The following ADGRB3 variants were observed in gnomAD, a reference collection of about 807,000 sequenced individuals.
ADGRB3 encodes the protein adhesion G protein-coupled receptor B3.
Under a neutral mutation model 193.4 loss-of-function variants are expected in ADGRB3, and 37 were observed. That is an observed-to-expected ratio of 0.19 (90% CI 0.15 to 0.25). The LOEUF is 0.25. ADGRB3 is among the 10% of genes least tolerant of loss of function. ADGRB3 has a pLI of 1.00. For missense variants in ADGRB3, 1,637 were observed against 1,852.9 expected (o/e 0.88, Z 2.14); for synonymous variants, 690 against 644.2 (o/e 1.07, Z -1.08).
At chr6:69,280,571 C>T (rs1212908261) in intron 20 of ADGRB3, among the ~76,000 whole-genome samples, 6 of 152,092 alleles carry the variant, frequency 3.9e-5, no homozygotes, top group Non-Finnish European at 5.9e-5. Flanking sequence ...ATCTACTTCA[C>T]GGCAATATTG....
At chr6:68,783,242 A>G (rs1158238402) in intron 3 of ADGRB3, among the ~76,000 whole-genome samples, 2 of 149,640 alleles carry the variant, frequency 1.3e-5, no homozygotes, top group Non-Finnish European at 3.0e-5. Context: ...GATATAGACC[A>G]TCTGTCTCTA....
intron 3 of ADGRB3, among the ~76,000 whole-genome samples, chr6:68,885,228 T>G (rs1042431291): frequency 6.6e-6 from 1 of 152,148 alleles, no homozygotes; most frequent in South Asian, 2.1e-4. Context: ...GTAATATTTA[T>G]TGAGGGAGAA....
chr6:69,367,807 A>G (rs1769608229), intron 29 of ADGRB3, among the ~76,000 whole-genome samples: 1 of 152,026 alleles, frequency 6.6e-6, no homozygotes, highest in Admixed American at 6.6e-5. Context: ...ATGGAATACT[A>G]TGAGGCCATA....
intron 10 of ADGRB3, among the ~76,000 whole-genome samples, chr6:68,984,046 G>T (rs1439503789): frequency 6.6e-6 from 1 of 152,154 alleles, no homozygotes; most frequent in Non-Finnish European, 1.5e-5. Context: ...CTGGCCAGAG[G>T]TAGTAAGCAA....
At position 68,936,554 on chromosome 6, in the gene ADGRB3, A is replaced by G; in HGVS notation, c.904A>G (p.Thr302Ala). ...SGVEEWSQWS[T>A]CSVTCGQGSQ... Reference sequence around the variant, plus strand: ...TGTGGAAGAGTGGTCCCAGTGGAGCACATGTTCGGTTACTTGTGGTCAAGG... The same window carrying G: ...TGTGGAAGAGTGGTCCCAGTGGAGCGCATGTTCGGTTACTTGTGGTCAAGG... The change falls in exon 5 of 32, where the codon ACA becomes GCA. Residue 302 changes from threonine (T) to alanine (A), a missense_variant. By Grantham distance (58) the Thr-to-Ala change is moderately conservative. This residue lies in a region of ADGRB3 where 365 missense variants were observed against 409.8 expected (regional missense o/e 0.89). Transcript: ENST00000370598. The G allele has an allele frequency of 6.2e-7, 1 of 1,614,094 alleles. No individual in the cohort carries two copies. The highest frequency in any genetic ancestry group is 8.5e-7 in the Non-Finnish European group (1 of 1,179,996).
At chr6:68,867,433 G>T (rs867461194) in intron 3 of ADGRB3, among the ~76,000 whole-genome samples, 5 of 152,194 alleles carry the variant, frequency 3.3e-5, no homozygotes, top group African/African-American at 1.2e-4. Flanking sequence ...GGATATCCAG[G>T]CAGATGTCTG....
intron 17 of ADGRB3, among the ~76,000 whole-genome samples, chr6:69,184,255 T>A (rs1277844734): frequency 1.3e-5 from 2 of 152,234 alleles, no homozygotes; most frequent in East Asian, 3.9e-4. Context: ...TGGCTTCTAA[T>A]GTCATTCCCA....
intron 3 of ADGRB3, among the ~76,000 whole-genome samples, chr6:68,801,926 G>C (rs1767319220): frequency 1.3e-5 from 2 of 152,098 alleles, no homozygotes. Context: ...TAGACTGTGG[G>C]ACTTATGAGA....
intron 13 of ADGRB3, among the ~76,000 whole-genome samples, chr6:69,043,866 A>G (rs1009324299): frequency 1.3e-5 from 2 of 152,118 alleles, no homozygotes; most frequent in African/African-American, 4.8e-5. Flanking sequence ...GATGCTATAA[A>G]TAAGTATACA....
chr6:69,382,966 G>A, intron 31 of ADGRB3, 31 bp downstream of exon 31: 1 of 1,413,412 alleles, frequency 7.1e-7, no homozygotes, highest in Non-Finnish European at 9.9e-7. Flanking sequence ...TGCCTGAGTA[G>A]AAGATGCATC....
chr6:69,242,779 CA>C (rs1766412395), intron 20 of ADGRB3, among the ~76,000 whole-genome samples: 1 of 151,910 alleles, frequency 6.6e-6, no homozygotes, highest in East Asian at 1.9e-4. Flanking sequence ...TGAGTTTTCT[CA>C]TAAAGTGATA....
intron 17 of ADGRB3, among the ~76,000 whole-genome samples, chr6:69,092,097 C>G (rs895755183): frequency 6.6e-6 from 1 of 152,144 alleles, no homozygotes. Context: ...TCTTGGCCTC[C>G]AGAGACTTCT....
chr6:69,250,540 C>T lies in ADGRB3; in HGVS notation c.2814+11314C>T, dbSNP rs1766597766. Among the ~76,000 whole-genome samples, 4 of 152,232 alleles carry T rather than the reference C, an allele frequency of 2.6e-5. No individual in the cohort carries two copies. The South Asian group carries it at 6.2e-4, about 24-fold the overall frequency. ...TAGCTCAAAACATATTTATAATCCTCACCATTTCTACAAGTCAGGAATTTA... is the reference window on the plus strand; with the variant it reads ...TAGCTCAAAACATATTTATAATCCTTACCATTTCTACAAGTCAGGAATTTA... On this transcript the variant is annotated intron_variant, in intron 20 of 31. Coordinates refer to ENST00000370598, the MANE Select transcript of ADGRB3 (RefSeq NM_001704.3).
At chr6:68,889,563 T>G (rs1766014405) in intron 3 of ADGRB3, among the ~76,000 whole-genome samples, 1 of 151,524 alleles carries the variant, frequency 6.6e-6, no homozygotes, top group African/African-American at 2.4e-5. Context: ...AGTGCAGTGG[T>G]GCAATCTCAG....
At chr6:69,132,892 C>T (rs1774050226) in intron 17 of ADGRB3, among the ~76,000 whole-genome samples, 1 of 152,112 alleles carries the variant, frequency 6.6e-6, no homozygotes, top group Non-Finnish European at 1.5e-5. Context: ...AATCCTTTCC[C>T]CATTGCTTGT....
intron 20 of ADGRB3, among the ~76,000 whole-genome samples, chr6:69,281,603 ATTGCTCTAAG>A (rs1358194165): frequency 6.6e-6 from 1 of 152,128 alleles, no homozygotes; most frequent in African/African-American, 2.4e-5. Flanking sequence ...CTCAGCCTAC[ATTGCTCTAAG>A]TTCTCTCAAA....
intron 8 of ADGRB3, among the ~76,000 whole-genome samples, chr6:68,961,481 A>G (rs1398050976): frequency 6.6e-6 from 1 of 152,176 alleles, no homozygotes; most frequent in Non-Finnish European, 1.5e-5. Context: ...GGATGGTGTC[A>G]TGGAGGAAGA....
chr6:68,666,948 T>C (rs1768816404), intron 3 of ADGRB3, among the ~76,000 whole-genome samples: 1 of 151,756 alleles, frequency 6.6e-6, no homozygotes. Flanking sequence ...TTTAGTTCTC[T>C]ACAAATATGA....
chr6:68,945,109 A>G (rs1767740413), intron 6 of ADGRB3, among the ~76,000 whole-genome samples: 1 of 152,170 alleles, frequency 6.6e-6, no homozygotes, highest in Non-Finnish European at 1.5e-5. Context: ...AGAATATGAA[A>G]AACAATCCAA....
Sources: gnomAD v4.1 joint callset for allele counts (sites outside exome capture counted in the v4.1 genomes callset) on GRCh38, gnomAD v4.1.1 for gene constraint, gnomAD v4.1.1 regional missense constraint, MANE v1.5 for transcripts, NCBI Gene and HGNC (gene_info 2026-07-23, HGNC 2026-07-21) for gene names.